GPC6: variants seen among roughly 807,000 people sequenced by gnomAD.
The protein encoded by GPC6 is glypican-6.
Under a neutral mutation model 55.2 loss-of-function variants are expected in GPC6, and 14 were observed. The observed-to-expected ratio is 0.25, with a 90% confidence interval of 0.17 to 0.40. The LOEUF (loss-of-function observed/expected upper bound fraction) is 0.40. Ranked by LOEUF, GPC6 falls within the 10% of genes least tolerant of loss-of-function variation. The pLI is 1.00. For synonymous variants in GPC6, 278 were observed against 259.6 expected (o/e 1.07, Z -0.68); for missense variants, 641 against 708.5 (o/e 0.90, Z 1.08).
rs558524457 is a variant in GPC6 at position 93,986,673 on chromosome 13, A to C, written c.712-41056A>C. ...TATTGGAACCAATGAATTGTGGAGA[A>C]ATATAAAGAAGAGTATGAAGAATAA... is the stretch of plus-strand genomic sequence containing the variant. On this transcript the variant is annotated intron_variant, in intron 3 of 8. Transcript: ENST00000377047. Among the ~76,000 whole-genome samples, 5 of 152,290 alleles carry C rather than the reference A, an allele frequency of 3.3e-5. No homozygotes were observed. In the South Asian group the frequency reaches 1.0e-3, roughly 32 times the overall value.
chr13:94,160,783 C>A (rs1037997387), intron 4 of GPC6, among the ~76,000 whole-genome samples: 1 of 152,172 alleles, frequency 6.6e-6, no homozygotes, highest in Non-Finnish European at 1.5e-5. Context: ...CTCAAAATAA[C>A]TAACCTAGAA....
chr13:94,302,113 AC>A (rs932761191), intron 5 of GPC6, among the ~76,000 whole-genome samples: 5 of 152,204 alleles, frequency 3.3e-5, no homozygotes, highest in Non-Finnish European at 5.9e-5. Flanking sequence ...TTTTAAAAAT[AC>A]TTTTTTCAGG....
chr13:93,465,256 A>G (rs1259335072), intron 1 of GPC6, among the ~76,000 whole-genome samples: 1 of 152,312 alleles, frequency 6.6e-6, no homozygotes, highest in East Asian at 1.9e-4. Flanking sequence ...AAGAGAGTCA[A>G]CTTGTCCTCT....
intron 4 of GPC6, among the ~76,000 whole-genome samples, chr13:94,139,721 T>C (rs1175175078): frequency 6.6e-6 from 1 of 152,148 alleles, no homozygotes; most frequent in Non-Finnish European, 1.5e-5. Flanking sequence ...TTGGACAGAG[T>C]TAGGTAATGC....
intron 1 of GPC6, among the ~76,000 whole-genome samples, chr13:93,404,341 T>G (rs1274184428): frequency 6.6e-6 from 1 of 152,060 alleles, no homozygotes; most frequent in East Asian, 1.9e-4. Flanking sequence ...ACTGAAGGCG[T>G]GGAGTGTGGA....
intron 5 of GPC6, among the ~76,000 whole-genome samples, chr13:94,294,236 A>C (rs1416430521): frequency 6.6e-6 from 1 of 152,214 alleles, no homozygotes; most frequent in East Asian, 1.9e-4. Context: ...AATAATTTCA[A>C]ACCTAATATC....
At chr13:93,748,867 C>T (rs140443472) in intron 2 of GPC6, among the ~76,000 whole-genome samples, 17 of 149,466 alleles carry the variant, frequency 1.1e-4, no homozygotes, top group Middle Eastern at 7.1e-3. Flanking sequence ...ATTATTGTTA[C>T]GCTTTTACTT....
chr13:94,065,514 A>G (rs993807452), intron 4 of GPC6, among the ~76,000 whole-genome samples: 1 of 152,184 alleles, frequency 6.6e-6, no homozygotes, highest in African/African-American at 2.4e-5. Context: ...AATTAAATGC[A>G]TTTTCTGCAA....
intron 2 of GPC6, among the ~76,000 whole-genome samples, chr13:93,676,443 TA>T (rs901503034): frequency 3.3e-5 from 5 of 151,234 alleles, no homozygotes; most frequent in African/African-American, 4.9e-5. Flanking sequence ...AAAAATAGAA[TA>T]AAAAAATAAA....
At chr13:93,897,073 GT>G (rs1052686973) in intron 3 of GPC6, among the ~76,000 whole-genome samples, 2 of 148,178 alleles carry the variant, frequency 1.3e-5, no homozygotes, top group African/African-American at 2.5e-5. Context: ...GCCAAATTAT[GT>G]TTTTTTATTT....
intron 4 of GPC6, among the ~76,000 whole-genome samples, chr13:94,172,730 G>A: frequency 6.6e-6 from 1 of 152,126 alleles, no homozygotes; most frequent in East Asian, 1.9e-4. Flanking sequence ...CTGAACAAAT[G>A]GACTTATGTA....
chr13:93,295,448 C>T (rs1489078750), intron 1 of GPC6, among the ~76,000 whole-genome samples: 3 of 151,850 alleles, frequency 2.0e-5, no homozygotes, highest in African/African-American at 7.3e-5. Context: ...AAAGCAAGTT[C>T]TCTGTCTGTC....
chr13:93,697,104 G>A (rs572101373), intron 2 of GPC6, among the ~76,000 whole-genome samples: 1 of 152,198 alleles, frequency 6.6e-6, no homozygotes, highest in African/African-American at 2.4e-5. Context: ...ATCATGTTCA[G>A]GAGATCAAGC....
chr13:94,370,153 A>G (rs959535186), intron 6 of GPC6, among the ~76,000 whole-genome samples: 1 of 152,228 alleles, frequency 6.6e-6, no homozygotes, highest in Non-Finnish European at 1.5e-5. Flanking sequence ...CTTGGAGGCT[A>G]AAACTTGGGA....
chr13:93,706,871 A>G (rs1257550762), intron 2 of GPC6, among the ~76,000 whole-genome samples: 1 of 151,906 alleles, frequency 6.6e-6, no homozygotes, highest in Non-Finnish European at 1.5e-5. Flanking sequence ...TGAGAATACA[A>G]TTTGGTAAGA....
At chr13:93,321,688 C>G (rs1879440628) in intron 1 of GPC6, among the ~76,000 whole-genome samples, 1 of 152,156 alleles carries the variant, frequency 6.6e-6, no homozygotes, top group Non-Finnish European at 1.5e-5. Flanking sequence ...TTATATTTCT[C>G]TCTAGAAAAT....
At chr13:94,160,042 T>A (rs1888099059) in intron 4 of GPC6, among the ~76,000 whole-genome samples, 1 of 152,204 alleles carries the variant, frequency 6.6e-6, no homozygotes, top group Non-Finnish European at 1.5e-5. Flanking sequence ...TATTTGAGGT[T>A]TTGTTTTCTG....
At chr13:93,947,972 C>G (rs543479604) in intron 3 of GPC6, among the ~76,000 whole-genome samples, 47 of 152,076 alleles carry the variant, frequency 3.1e-4, no homozygotes, top group Non-Finnish European at 6.5e-4. Context: ...AAGTGACATA[C>G]TTAATTTTAC....
At chr13:93,388,576 C>T (rs2139214243) in intron 1 of GPC6, among the ~76,000 whole-genome samples, 1 of 152,278 alleles carries the variant, frequency 6.6e-6, no homozygotes, top group East Asian at 1.9e-4. Flanking sequence ...GAGTAGCTTT[C>T]TCTCAAGCTG....
Sources: gnomAD v4.1 joint callset for allele counts (sites outside exome capture counted in the v4.1 genomes callset) on GRCh38, gnomAD v4.1.1 for gene constraint, MANE v1.5 for transcripts, NCBI Gene and HGNC (gene_info 2026-07-23, HGNC 2026-07-21) for gene names.